LDLRAD3: variants seen among roughly 807,000 people sequenced by gnomAD.
LDLRAD3 encodes low density lipoprotein receptor class A domain containing 3.
Under a neutral mutation model 29.4 loss-of-function variants are expected in LDLRAD3, and 20 were observed. The observed-to-expected ratio is 0.68, with a 90% CI of 0.48 to 0.99. LDLRAD3 has a LOEUF of 0.99. LDLRAD3 is among the 50% of genes least tolerant of loss of function. The pLI is 0.00. For synonymous variants in LDLRAD3, 157 were observed against 192.7 expected (o/e 0.81, Z 1.53); for missense variants, 420 against 454.3 (o/e 0.92, Z 0.69).
intron 4 of LDLRAD3, among the ~76,000 whole-genome samples, chr11:36,153,139 T>G (rs1854299991): frequency 6.6e-6 from 1 of 151,994 alleles, no homozygotes; most frequent in African/African-American, 2.4e-5. Context: ...GGCTTCGGGT[T>G]CTTGGAGGAC....
chr11:35,978,515 TC>T (rs1294851525), intron 1 of LDLRAD3, among the ~76,000 whole-genome samples: 2 of 152,230 alleles, frequency 1.3e-5, no homozygotes, highest in Non-Finnish European at 2.9e-5. Flanking sequence ...GATGGGCTGT[TC>T]CTCACACATC....
chr11:36,219,859 T>A (rs1855404267), intron 4 of LDLRAD3, among the ~76,000 whole-genome samples: 1 of 151,046 alleles, frequency 6.6e-6, no homozygotes, highest in African/African-American at 2.4e-5. Flanking sequence ...AAGCTCTTTT[T>A]AAGACACTGT....
chr11:36,165,204 A>G (rs1472984696), intron 4 of LDLRAD3, among the ~76,000 whole-genome samples: 1 of 152,210 alleles, frequency 6.6e-6, no homozygotes, highest in Non-Finnish European at 1.5e-5. Flanking sequence ...TGTTGTTATA[A>G]ACTCTTAGTA....
chr11:36,123,934 C>T (rs185093374), intron 4 of LDLRAD3, among the ~76,000 whole-genome samples: 3 of 152,164 alleles, frequency 2.0e-5, no homozygotes, highest in South Asian at 2.1e-4. Flanking sequence ...TCAAAATTAC[C>T]GTAAGTCAGC....
intron 4 of LDLRAD3, among the ~76,000 whole-genome samples, chr11:36,108,849 G>A (rs1416592401): frequency 6.6e-6 from 1 of 152,150 alleles, no homozygotes; most frequent in Non-Finnish European, 1.5e-5. Flanking sequence ...AGAGACCTCA[G>A]TATAGAACTG....
intron 2 of LDLRAD3, among the ~76,000 whole-genome samples, chr11:36,070,887 C>T (rs1219013749): frequency 6.6e-6 from 1 of 152,086 alleles, no homozygotes; most frequent in Non-Finnish European, 1.5e-5. Flanking sequence ...TGTCAAGGTC[C>T]TTAGTCAAAG....
In LDLRAD3 at chr11:35,944,565, C is replaced by T. The variant is rs961027613; in HGVS notation, c.46+421C>T. On this transcript the variant is annotated intron_variant, in intron 1 of 5. Coordinates refer to ENST00000315571, the MANE Select transcript of LDLRAD3 (RefSeq NM_174902.4). The surrounding 1 kb of genome is among the most constrained non-coding windows in gnomAD (Gnocchi z 4.9). ...CCAGACGCCTGGTCGCGCGCGGCTGCGTTAGCCTCCTCTGGGCCTCTTCCC... is the reference window on the plus strand; with the variant it reads ...CCAGACGCCTGGTCGCGCGCGGCTGTGTTAGCCTCCTCTGGGCCTCTTCCC... Among the ~76,000 whole-genome samples, 1 of 152,148 alleles carries T rather than the reference C, an allele frequency of 6.6e-6. No individual in the cohort carries two copies. Among genetic ancestry groups the T allele is most frequent in the African/African-American group, 2.4e-5 (1 of 41,450 alleles).
intron 1 of LDLRAD3, among the ~76,000 whole-genome samples, chr11:36,014,871 G>A (rs758205555): frequency 2.0e-5 from 3 of 152,124 alleles, no homozygotes; most frequent in Admixed American, 6.5e-5. Flanking sequence ...TTTTGCCAAA[G>A]ACAAATAAAA....
intron 2 of LDLRAD3, among the ~76,000 whole-genome samples, chr11:36,046,322 A>C (rs1245711439): frequency 1.3e-5 from 2 of 152,266 alleles, no homozygotes; most frequent in African/African-American, 2.4e-5. Context: ...AGGCCTCCCC[A>C]GCCATGTGGA....
At chr11:36,030,958 GT>G (rs1293711854) in intron 1 of LDLRAD3, among the ~76,000 whole-genome samples, 2 of 152,230 alleles carry the variant, frequency 1.3e-5, no homozygotes, top group Non-Finnish European at 2.9e-5. Context: ...AGCTGTCTGA[GT>G]TTTTGTAGTT....
intron 4 of LDLRAD3, among the ~76,000 whole-genome samples, chr11:36,121,504 C>G (rs1853757069): frequency 6.6e-6 from 1 of 152,172 alleles, no homozygotes; most frequent in Non-Finnish European, 1.5e-5. Flanking sequence ...TGTAAAACAG[C>G]AAGGGCCCAC....
intron 4 of LDLRAD3, among the ~76,000 whole-genome samples, chr11:36,202,692 T>A (rs2133375460): frequency 6.6e-6 from 1 of 152,296 alleles, no homozygotes; most frequent in African/African-American, 2.4e-5. Context: ...GAAATTATTA[T>A]AAGTCCCCAG....
At chr11:35,996,560 GT>G (rs1375094729) in intron 1 of LDLRAD3, among the ~76,000 whole-genome samples, 4 of 152,176 alleles carry the variant, frequency 2.6e-5, no homozygotes, top group Admixed American at 6.5e-5. Flanking sequence ...GACTTACTGC[GT>G]TCAGGATTGC....
chr11:35,964,939 G>C (rs1851320218), intron 1 of LDLRAD3, among the ~76,000 whole-genome samples: 4 of 151,450 alleles, frequency 2.6e-5, no homozygotes, highest in African/African-American at 9.7e-5. Context: ...GCAGTGAGCT[G>C]TGATTATGCC....
chr11:36,192,814 C>T (rs1353120622), intron 4 of LDLRAD3, among the ~76,000 whole-genome samples: 3 of 152,108 alleles, frequency 2.0e-5, no homozygotes, highest in Admixed American at 6.5e-5. Flanking sequence ...ACTTGCTCCC[C>T]GGCCAAACCA....
At chr11:36,204,040 G>A (rs754538445) in intron 4 of LDLRAD3, among the ~76,000 whole-genome samples, 6 of 151,648 alleles carry the variant, frequency 4.0e-5, no homozygotes, top group Middle Eastern at 3.2e-3. Flanking sequence ...CATCACAGAC[G>A]TACATACCAG....
chr11:36,209,581 A>C (rs916179440), intron 4 of LDLRAD3, among the ~76,000 whole-genome samples: 1 of 151,982 alleles, frequency 6.6e-6, no homozygotes, highest in Non-Finnish European at 1.5e-5. Flanking sequence ...GCTGGTCTCG[A>C]ACTACTGACC....
At chr11:36,190,943 G>A (rs938485409) in intron 4 of LDLRAD3, among the ~76,000 whole-genome samples, 7 of 152,126 alleles carry the variant, frequency 4.6e-5, no homozygotes, top group Admixed American at 6.5e-5. Context: ...GAAACAAATC[G>A]TTTCAACTCA....
At chr11:36,109,066 G>A (rs1853571600) in intron 4 of LDLRAD3, among the ~76,000 whole-genome samples, 1 of 152,170 alleles carries the variant, frequency 6.6e-6, no homozygotes, top group Non-Finnish European at 1.5e-5. Context: ...TCAAGGGTGA[G>A]CATGTGGCAG....
Sources: gnomAD v4.1 joint callset for allele counts (sites outside exome capture counted in the v4.1 genomes callset) on GRCh38, gnomAD v4.1.1 for gene constraint, Gnocchi (gnomAD v3.1) non-coding constraint, MANE v1.5 for transcripts, NCBI Gene and HGNC (gene_info 2026-07-23, HGNC 2026-07-21) for gene names.